The following ATP8A2 variants were observed in gnomAD, a reference collection of about 807,000 sequenced individuals.
The protein encoded by ATP8A2 is ATPase phospholipid transporting 8A2, also known as phospholipid-transporting ATPase IB.
Under a neutral mutation model 165.6 loss-of-function variants are expected in ATP8A2, and 100 were observed. The ratio of observed to expected loss-of-function variants is 0.60; its 90% CI spans 0.51 to 0.71. The LOEUF is 0.71. Ranked by LOEUF, ATP8A2 falls within the 30% of genes least tolerant of loss-of-function variation. The pLI, the probability that ATP8A2 is intolerant of heterozygous loss-of-function variation, is 0.00. For missense variants in ATP8A2, 1,227 were observed against 1,479.5 expected (o/e 0.83, Z 2.80); for synonymous variants, 543 against 548.8 (o/e 0.99, Z 0.15).
At chr13:25,680,091 C>T (rs2042453394) in intron 24 of ATP8A2, among the ~76,000 whole-genome samples, 1 of 152,068 alleles carries the variant, frequency 6.6e-6, no homozygotes, top group African/African-American at 2.4e-5. Flanking sequence ...TGTGACCGTG[C>T]TAATTGTGTG....
intron 25 of ATP8A2, among the ~76,000 whole-genome samples, chr13:25,703,836 T>C (rs1345894900): frequency 6.6e-6 from 1 of 152,166 alleles, no homozygotes. Context: ...CTTTTGAGGA[T>C]GATGAAGTGT....
At chr13:25,927,715 G>A (rs1954651836) in intron 33 of ATP8A2, among the ~76,000 whole-genome samples, 2 of 152,200 alleles carry the variant, frequency 1.3e-5, no homozygotes. Flanking sequence ...AAAAGAATTG[G>A]CACATTGAAT....
chr13:25,740,865 G>A (rs1265914899), intron 25 of ATP8A2, among the ~76,000 whole-genome samples: 1 of 152,156 alleles, frequency 6.6e-6, no homozygotes, highest in Non-Finnish European at 1.5e-5. Context: ...TAATTATGTT[G>A]TAGAGACCTT....
intron 30 of ATP8A2, among the ~76,000 whole-genome samples, chr13:25,840,828 C>T (rs545587443): frequency 6.4e-4 from 98 of 152,314 alleles, no homozygotes; most frequent in African/African-American, 2.2e-3. Context: ...AATGGTATGT[C>T]TGATGAGCAT....
intron 1 of ATP8A2, among the ~76,000 whole-genome samples, chr13:25,467,033 C>T (rs1368432482): frequency 1.3e-5 from 2 of 152,218 alleles, no homozygotes; most frequent in Non-Finnish European, 2.9e-5. Flanking sequence ...AGTCCGGGAG[C>T]CCCAGCTGGT....
intron 24 of ATP8A2, among the ~76,000 whole-genome samples, chr13:25,680,434 T>C (rs1200028835): frequency 1.3e-5 from 2 of 152,136 alleles, no homozygotes; most frequent in Non-Finnish European, 2.9e-5. Context: ...TGTGGCTACC[T>C]TGAATTCAGA....
intron 33 of ATP8A2, among the ~76,000 whole-genome samples, chr13:25,941,934 T>C (rs1955082605): frequency 1.3e-5 from 2 of 152,248 alleles, no homozygotes; most frequent in South Asian, 2.1e-4. Flanking sequence ...CCCCTTGAGA[T>C]AGAAATGCTC....
chr13:25,392,509 C>T (rs1165250414), intron 1 of ATP8A2, among the ~76,000 whole-genome samples: 2 of 152,188 alleles, frequency 1.3e-5, no homozygotes, highest in Non-Finnish European at 2.9e-5. Flanking sequence ...ATGAGTATCA[C>T]ACAGTCTAAG....
At chr13:25,485,657 G>A (rs888975890) in intron 2 of ATP8A2, among the ~76,000 whole-genome samples, 1 of 152,216 alleles carries the variant, frequency 6.6e-6, no homozygotes, top group Non-Finnish European at 1.5e-5. Flanking sequence ...GACTGTGGCC[G>A]ACGCATAAGT....
At chr13:25,839,664 G>T in intron 30 of ATP8A2, 40 bp downstream of exon 30, 1 of 1,532,418 alleles carries the variant, frequency 6.5e-7, no homozygotes, top group South Asian at 1.1e-5. Context: ...AAGGAGCTTT[G>T]CAGCCGCTCT....
At chr13:25,705,693 AG>A (rs1315214096) in intron 25 of ATP8A2, among the ~76,000 whole-genome samples, 1 of 152,246 alleles carries the variant, frequency 6.6e-6, no homozygotes, top group Non-Finnish European at 1.5e-5. Context: ...GTAAAAAATT[AG>A]AAAATACAGA....
At chr13:25,574,395 A>C (rs2039556433) in intron 18 of ATP8A2, among the ~76,000 whole-genome samples, 1 of 152,200 alleles carries the variant, frequency 6.6e-6, no homozygotes, top group Non-Finnish European at 1.5e-5. Context: ...ATATGCATAC[A>C]TTTTGCTGTA....
intron 35 of ATP8A2, among the ~76,000 whole-genome samples, chr13:25,990,891 C>G (rs1956376678): frequency 6.6e-6 from 1 of 152,174 alleles, no homozygotes; most frequent in African/African-American, 2.4e-5. Context: ...CCAGGTCAGC[C>G]AGGTGCCCTG....
At chr13:25,660,217 A>G (rs1165142269) in intron 24 of ATP8A2, among the ~76,000 whole-genome samples, 1 of 152,144 alleles carries the variant, frequency 6.6e-6, no homozygotes, top group Non-Finnish European at 1.5e-5. Flanking sequence ...CTCATGTGTG[A>G]GTTTTCTTCC....
chr13:25,836,390 T>G (rs1951607762), intron 28 of ATP8A2, among the ~76,000 whole-genome samples: 1 of 152,048 alleles, frequency 6.6e-6, no homozygotes, highest in Non-Finnish European at 1.5e-5. Context: ...TTGTAAGGGG[T>G]GCATCTCTCA....
chr13:25,555,746 A>G (rs967732471), intron 13 of ATP8A2, among the ~76,000 whole-genome samples: 9 of 151,984 alleles, frequency 5.9e-5, no homozygotes, highest in African/African-American at 1.7e-4. Flanking sequence ...ACCTGAGCAT[A>G]GTACCCAACA....
intron 35 of ATP8A2, among the ~76,000 whole-genome samples, chr13:25,988,035 G>A (rs1022211907): frequency 1.3e-5 from 2 of 152,168 alleles, no homozygotes; most frequent in Admixed American, 6.5e-5. Flanking sequence ...CAACTGCTTC[G>A]CCACAAGAAA....
chr13:25,487,328 C>T (rs2036383974), intron 2 of ATP8A2, among the ~76,000 whole-genome samples: 1 of 152,094 alleles, frequency 6.6e-6, no homozygotes, highest in African/African-American at 2.4e-5. Context: ...TTATTTTTAG[C>T]CTTCCATTGC....
At chr13:26,019,811 A>T in intron 36 of ATP8A2, 77 bp from the exon 37 acceptor site, 1 of 1,069,946 alleles carries the variant, frequency 9.3e-7, no homozygotes, top group East Asian at 2.4e-5. Context: ...CTGCCAAAAA[A>T]AAGCAGCTTA....
Sources: gnomAD v4.1 joint callset for allele counts (sites outside exome capture counted in the v4.1 genomes callset) on GRCh38, gnomAD v4.1.1 for gene constraint, MANE v1.5 for transcripts, NCBI Gene and HGNC (gene_info 2026-07-23, HGNC 2026-07-21) for gene names.